ANKRD28: variants seen among roughly 807,000 people sequenced by gnomAD.
ANKRD28 encodes the protein serine/threonine-protein phosphatase 6 regulatory ankyrin repeat subunit A.
ANKRD28 carries 44 observed loss-of-function variants against 126.5 expected under a neutral mutation model. That is an observed-to-expected ratio of 0.35 (90% confidence interval 0.27 to 0.45). ANKRD28 has a LOEUF of 0.45. ANKRD28 is among the 20% of genes least tolerant of loss of function. The pLI is 1.00. For missense variants in ANKRD28, 1,110 were observed against 1,316.6 expected (o/e 0.84, Z 2.43); for synonymous variants, 442 against 468.5 (o/e 0.94, Z 0.73).
At chr3:15,777,340 T>A (rs753296077) in intron 2 of ANKRD28, among the ~76,000 whole-genome samples, 1 of 151,884 alleles carries the variant, frequency 6.6e-6, no homozygotes, top group African/African-American at 2.4e-5. Context: ...TTATCCTTTA[T>A]CTACCCATGC....
chr3:15,808,237 G>A (rs970881263), intron 1 of ANKRD28, among the ~76,000 whole-genome samples: 6 of 152,108 alleles, frequency 3.9e-5, no homozygotes, highest in Admixed American at 2.0e-4. Context: ...AAATATCAAC[G>A]GATTTGAAGT....
In ANKRD28 at chr3:15,707,854, A is replaced by G. The variant is rs1483746270; in HGVS notation, c.1547+70T>C. Reference sequence around the variant, plus strand: ...AAAGAGGAAACACAAATTTGCAACAAAAACATCCATATGGAAGATGCCAGT... The same window carrying G: ...AAAGAGGAAACACAAATTTGCAACAGAAACATCCATATGGAAGATGCCAGT... On this transcript the variant is annotated intron_variant, in intron 14 of 27. Transcript: ENST00000683139. 4 of 1,533,450 alleles carry G rather than the reference A, an allele frequency of 2.6e-6. No individual in the cohort carries two copies. In the East Asian group the frequency reaches 9.2e-5, roughly 35 times the overall value. 95.0% of individuals were successfully genotyped at this position (1,533,450 alleles called of 1,614,324 possible).
intron 2 of ANKRD28, among the ~76,000 whole-genome samples, chr3:15,778,947 C>G (rs2059421842): frequency 6.6e-6 from 1 of 152,136 alleles, no homozygotes; most frequent in Admixed American, 6.5e-5. Context: ...AGCATTTGCC[C>G]TGCTGGCAGT....
chr3:15,728,297 TAA>T (rs2074336161), intron 6 of ANKRD28, among the ~76,000 whole-genome samples: 1 of 24,022 alleles, frequency 4.2e-5, no homozygotes, highest in African/African-American at 7.3e-5. Flanking sequence ...ATTTTGTAAT[TAA>T]TTAATTATTT....
At chr3:15,736,970 C>A in intron 5 of ANKRD28, 63 bp downstream of exon 5, 3 of 1,538,366 alleles carry the variant, frequency 2.0e-6, no homozygotes, top group Non-Finnish European at 2.7e-6. Context: ...AATGCAAGTT[C>A]TTTAATAAGT....
chr3:15,697,044 GCTAT>G (rs759920885), intron 14 of ANKRD28, among the ~76,000 whole-genome samples: 40 of 152,208 alleles, frequency 2.6e-4, no homozygotes, highest in Admixed American at 1.6e-3. Context: ...GTCTATTTAG[GCTAT>G]CTATCAACGA....
At chr3:15,793,153 T>C (rs566511536) in intron 2 of ANKRD28, among the ~76,000 whole-genome samples, 3 of 152,312 alleles carry the variant, frequency 2.0e-5, no homozygotes, top group East Asian at 3.9e-4. Flanking sequence ...CACACTGACA[T>C]AAAGCTTAAA....
chr3:15,786,932 AAC>A (rs1436512129), intron 2 of ANKRD28, among the ~76,000 whole-genome samples: 1 of 152,148 alleles, frequency 6.6e-6, no homozygotes. Flanking sequence ...TATATTTAAT[AAC>A]AGATAATAAA....
At chr3:15,710,893 A>G (rs1292744563) in intron 12 of ANKRD28, among the ~76,000 whole-genome samples, 1 of 152,144 alleles carries the variant, frequency 6.6e-6, no homozygotes, top group Non-Finnish European at 1.5e-5. Flanking sequence ...GAATATTCCC[A>G]GTATTTTGAT....
chr3:15,739,727 C>T (rs1251957983), intron 4 of ANKRD28, among the ~76,000 whole-genome samples: 1 of 152,104 alleles, frequency 6.6e-6, no homozygotes, highest in Non-Finnish European at 1.5e-5. Context: ...TGCTATTAGC[C>T]ATGAATCACC....
chr3:15,798,995 G>A (rs1044197186), upstream of ANKRD28, among the ~76,000 whole-genome samples: 1 of 151,746 alleles, frequency 6.6e-6, no homozygotes, highest in African/African-American at 2.4e-5. Flanking sequence ...CATTATAGAG[G>A]GAAAAACAGA....
At chr3:15,805,884 C>G (rs2060566307) in intron 1 of ANKRD28, among the ~76,000 whole-genome samples, 1 of 152,116 alleles carries the variant, frequency 6.6e-6, no homozygotes, top group Admixed American at 6.5e-5. Context: ...CTGAAGTGTA[C>G]ATTCGTTATT....
intron 27 of ANKRD28, among the ~76,000 whole-genome samples, chr3:15,671,594 T>G (rs1289577637): frequency 6.6e-6 from 1 of 151,056 alleles, no homozygotes; most frequent in Non-Finnish European, 1.5e-5. Context: ...TTTTTGTTTT[T>G]TTTTTTTTGA....
At chr3:15,793,915 C>CA (rs1261646448) in intron 2 of ANKRD28, among the ~76,000 whole-genome samples, 3 of 152,108 alleles carry the variant, frequency 2.0e-5, no homozygotes, top group Admixed American at 6.6e-5. Flanking sequence ...ACTAAAAACA[C>CA]AAAAATTAAT....
In ANKRD28 at chr3:15,673,967, GGA is replaced by G. The variant is rs2066642654; in HGVS notation, c.2965+1929_2965+1930del. On this transcript the variant is annotated intron_variant, in intron 27 of 27. Coordinates refer to ENST00000683139, the MANE Select transcript of ANKRD28 (RefSeq NM_001349278.2). The stretch of plus-strand genomic sequence containing the variant: ...GAGGTGGGGGGATTGCTTGAGGCCA[GGA>G]GTTCAAGACCGGCCTGGACAATATA... 3.3e-5 allele frequency among the ~76,000 whole-genome samples: 5 copies of G among 152,038 alleles called. No individual in the cohort carries two copies. The South Asian group carries it at 1.0e-3, about 32-fold the overall frequency.
At chr3:15,758,795 T>A (rs916545568) in intron 3 of ANKRD28, among the ~76,000 whole-genome samples, 3 of 152,200 alleles carry the variant, frequency 2.0e-5, no homozygotes, top group Non-Finnish European at 4.4e-5. Context: ...ACCAAACTAA[T>A]GTACCAGCAC....
At chr3:15,844,618 T>G (rs572834346) in intron 1 of ANKRD28, among the ~76,000 whole-genome samples, 10 of 152,148 alleles carry the variant, frequency 6.6e-5, no homozygotes, top group Non-Finnish European at 1.2e-4. Flanking sequence ...ATTAGTGACA[T>G]TAAAAGCGAT....
chr3:15,746,420 G>A (rs1168290391), intron 4 of ANKRD28, among the ~76,000 whole-genome samples: 1 of 152,152 alleles, frequency 6.6e-6, no homozygotes, highest in Non-Finnish European at 1.5e-5. Context: ...AATCATAAAA[G>A]GATGCTGGAT....
chr3:15,823,545 C>T (rs569975919), intron 1 of ANKRD28, among the ~76,000 whole-genome samples: 6 of 152,192 alleles, frequency 3.9e-5, no homozygotes, highest in Non-Finnish European at 8.8e-5. Flanking sequence ...CAACAAATAG[C>T]GCTAGGACAA....
Sources: allele counts gnomAD v4.1 joint callset (sites outside exome capture counted in the v4.1 genomes callset), GRCh38; gene constraint gnomAD v4.1.1; transcripts MANE v1.5; gene names NCBI Gene and HGNC (gene_info 2026-07-23, HGNC 2026-07-21).